Variants in RBFOX3 observed in about 807,000 individuals in gnomAD.
RBFOX3 encodes the protein RNA binding fox-1 homolog 3, also known as RNA binding protein fox-1 homolog 3.
In RBFOX3, 17 loss-of-function variants were observed where a neutral mutation model predicts 48.7. The observed-to-expected ratio is 0.35, with a 90% CI of 0.24 to 0.52. RBFOX3 has a LOEUF of 0.52. Ranked by LOEUF, RBFOX3 falls within the 20% of genes least tolerant of loss-of-function variation. The pLI is 0.94. For synonymous variants in RBFOX3, 212 were observed against 209.5 expected (o/e 1.01, Z -0.10); for missense variants, 382 against 497.5 (o/e 0.77, Z 2.21).
At chr17:79,091,642 AG>A (rs2073930736) in intron 14 of RBFOX3, among the ~76,000 whole-genome samples, 1 of 152,194 alleles carries the variant, frequency 6.6e-6, no homozygotes, top group Non-Finnish European at 1.5e-5. Context: ...GGCCTGAGCA[AG>A]GGTGCATTCT....
intron 2 of RBFOX3, among the ~76,000 whole-genome samples, chr17:79,393,385 G>A (rs1214185095): frequency 6.6e-6 from 1 of 152,242 alleles, no homozygotes; most frequent in Admixed American, 6.5e-5. Context: ...GCTGGACGAA[G>A]CAAGCCTCTC....
At chr17:79,105,604 T>C (rs537876262) in intron 6 of RBFOX3, among the ~76,000 whole-genome samples, 43 of 151,540 alleles carry the variant, frequency 2.8e-4, no homozygotes, top group African/African-American at 9.7e-4. Context: ...AGACGGGGAG[T>C]GGACTTCTAG....
intron 3 of RBFOX3, among the ~76,000 whole-genome samples, chr17:79,294,168 G>A (rs532702453): frequency 2.6e-4 from 40 of 152,328 alleles, no homozygotes; most frequent in Admixed American, 5.2e-4. Flanking sequence ...CCAACAAGCC[G>A]CTGCTCTTCC....
chr17:79,169,630 C>G (rs747559053), intron 4 of RBFOX3, among the ~76,000 whole-genome samples: 3 of 152,198 alleles, frequency 2.0e-5, no homozygotes, highest in Admixed American at 1.3e-4. Flanking sequence ...GGTGTGGTCC[C>G]GTGGCATGAG....
At chr17:79,437,537 C>T (rs28611437) in intron 2 of RBFOX3, among the ~76,000 whole-genome samples, 51,955 of 152,144 alleles carry the variant, frequency 0.34, 9,092 homozygotes, top group Middle Eastern at 0.4. Context: ...CCGGGACACC[C>T]GGTAGGAGCT....
At chr17:79,160,537 A>G (rs940537701) in intron 4 of RBFOX3, among the ~76,000 whole-genome samples, 3 of 152,100 alleles carry the variant, frequency 2.0e-5, no homozygotes, top group Non-Finnish European at 2.9e-5. Flanking sequence ...TCCCGAGCTC[A>G]CCCTGGAGCA....
At chr17:79,630,019 T>G in the RBFOX3 span, among the ~76,000 whole-genome samples, 2 of 152,198 alleles carry the variant, frequency 1.3e-5, no homozygotes, top group African/African-American at 2.4e-5. Context: ...TATGATTATA[T>G]TCTAAATTTT....
chr17:79,533,418 C>A (rs2088167712), intron 1 of RBFOX3, among the ~76,000 whole-genome samples: 1 of 152,260 alleles, frequency 6.6e-6, no homozygotes, highest in Non-Finnish European at 1.5e-5. Context: ...CCGTGCTCAA[C>A]ATAAAAGCCA....
Position 79,390,001 on chromosome 17 carries a change from G to A in RBFOX3, c.-174-82177C>T, listed in dbSNP as rs1224332372. On this transcript the variant is annotated intron_variant, in intron 2 of 14. Transcript: ENST00000693108. The surrounding 1 kb of genome is among the most constrained non-coding windows in gnomAD (Gnocchi z 4.2). ...GGGTCTCCGCAGCCTCCAGGTCTCCGCAGCCTCCAGGTCTCCGCAGCCTCC... is the reference window on the plus strand; with the variant it reads ...GGGTCTCCGCAGCCTCCAGGTCTCCACAGCCTCCAGGTCTCCGCAGCCTCC... 4.4e-5 allele frequency among the ~76,000 whole-genome samples: 5 copies of A among 113,104 alleles called. No individual in the cohort carries two copies. Among genetic ancestry groups the A allele is most frequent in the Admixed American group, 1.8e-4 (2 of 11,174 alleles). The allele number at this position is 113,104 out of a possible 152,430, so 74.2% of individuals were successfully genotyped here.
At chr17:79,501,593 T>C (rs1350493875) in intron 1 of RBFOX3, among the ~76,000 whole-genome samples, 7 of 152,238 alleles carry the variant, frequency 4.6e-5, no homozygotes, top group Admixed American at 6.5e-5. Flanking sequence ...CCCCTCCCTC[T>C]GAGGAATCCT....
At chr17:79,289,139 C>T (rs1038000703) in intron 3 of RBFOX3, among the ~76,000 whole-genome samples, 27 of 152,300 alleles carry the variant, frequency 1.8e-4, no homozygotes, top group African/African-American at 6.3e-4. Context: ...AAGACACGCC[C>T]CTATGCAGAG....
intron 4 of RBFOX3, among the ~76,000 whole-genome samples, chr17:79,153,428 G>A (rs2144944039): frequency 6.6e-6 from 1 of 152,284 alleles, no homozygotes; most frequent in East Asian, 1.9e-4. Flanking sequence ...GGGGCTGGTG[G>A]GGTGATAACA....
chr17:79,553,818 T>C (rs1443606077), intron 1 of RBFOX3, among the ~76,000 whole-genome samples: 2 of 152,094 alleles, frequency 1.3e-5, no homozygotes, highest in African/African-American at 4.8e-5. Context: ...CCACAACCTC[T>C]GCCTCCTGGG....
chr17:79,642,681 T>TA, the RBFOX3 span, among the ~76,000 whole-genome samples: 1 of 151,992 alleles, frequency 6.6e-6, no homozygotes, highest in Non-Finnish European at 1.5e-5. Flanking sequence ...ATATATAAAT[T>TA]AAAATGGAAC....
chr17:79,414,024 C>T (rs934143031), intron 2 of RBFOX3, among the ~76,000 whole-genome samples: 3 of 151,986 alleles, frequency 2.0e-5, no homozygotes, highest in Middle Eastern at 3.2e-3. Context: ...GCAGAGGGGA[C>T]CCAGCTGGGT....
intron 3 of RBFOX3, among the ~76,000 whole-genome samples, chr17:79,269,989 C>T (rs1292330360): frequency 6.6e-6 from 1 of 152,148 alleles, no homozygotes; most frequent in Non-Finnish European, 1.5e-5. Flanking sequence ...GCCTCTGCTG[C>T]TTCTCCATTC....
intron 2 of RBFOX3, among the ~76,000 whole-genome samples, chr17:79,356,073 G>C (rs1052420300): frequency 3.9e-5 from 6 of 152,178 alleles, no homozygotes; most frequent in African/African-American, 1.4e-4. Flanking sequence ...TGAATGTGGG[G>C]ATGTGCTTTG....
At chr17:79,159,565 T>G (rs370939631) in intron 4 of RBFOX3, among the ~76,000 whole-genome samples, 231 of 152,188 alleles carry the variant, frequency 1.5e-3, no homozygotes, top group African/African-American at 4.8e-3. Flanking sequence ...TTTGGGAAAA[T>G]GCTCACCTGG....
chr17:79,504,882 G>A (rs971568742), intron 1 of RBFOX3, among the ~76,000 whole-genome samples: 6 of 152,154 alleles, frequency 3.9e-5, no homozygotes, highest in Non-Finnish European at 5.9e-5. Context: ...ATACAGATGC[G>A]GACGTGCGTG....
Sources: gnomAD v4.1 joint callset for allele counts (sites outside exome capture counted in the v4.1 genomes callset) on GRCh38, gnomAD v4.1.1 for gene constraint, Gnocchi (gnomAD v3.1) non-coding constraint, MANE v1.5 for transcripts, NCBI Gene and HGNC (gene_info 2026-07-23, HGNC 2026-07-21) for gene names.